The following NELL1 variants were observed in gnomAD, a reference collection of about 807,000 sequenced individuals.
NELL1 encodes the protein protein kinase C-binding protein NELL1.
NELL1 carries 76 observed loss-of-function variants against 107.4 expected under a neutral mutation model. The ratio of observed to expected loss-of-function variants is 0.71; its 90% CI spans 0.59 to 0.86. The LOEUF (loss-of-function observed/expected upper bound fraction) is 0.86. Among genes scored for constraint, NELL1 ranks in the 40% least tolerant of loss-of-function variants. NELL1 has a pLI of 0.00. For synonymous variants in NELL1, 353 were observed against 341.2 expected, an observed-to-expected ratio of 1.03 and a Z score of -0.38; for missense variants, 1,024 against 1,005.5, an observed-to-expected ratio of 1.02 and a Z score of -0.25.
At chr11:21,208,136 A>C (rs1434387635) in intron 13 of NELL1, among the ~76,000 whole-genome samples, 1 of 151,934 alleles carries the variant, frequency 6.6e-6, no homozygotes, top group East Asian at 1.9e-4. Flanking sequence ...TGTACATTAG[A>C]TCTCTAGACT....
At chr11:21,262,345 G>T in intron 14 of NELL1, among the ~76,000 whole-genome samples, 1 of 151,638 alleles carries the variant, frequency 6.6e-6, no homozygotes, top group Admixed American at 6.6e-5. Flanking sequence ...TATGTACTGT[G>T]CTTACTTTTC....
chr11:20,758,340 T>C (rs764177302), intron 2 of NELL1, among the ~76,000 whole-genome samples: 7 of 152,160 alleles, frequency 4.6e-5, no homozygotes, highest in Non-Finnish European at 7.4e-5. Flanking sequence ...TGTGGCCTAA[T>C]AAATCCAAAC....
At chr11:20,895,343 T>TATG (rs1162348608) in intron 5 of NELL1, among the ~76,000 whole-genome samples, 2 of 137,520 alleles carry the variant, frequency 1.5e-5, no homozygotes, top group Non-Finnish European at 3.1e-5. Flanking sequence ...CTACTGTGTA[T>TATG]ATGTACCCTT....
intron 15 of NELL1, among the ~76,000 whole-genome samples, chr11:21,533,962 T>G (rs1435747737): frequency 6.6e-6 from 1 of 152,100 alleles, no homozygotes; most frequent in Non-Finnish European, 1.5e-5. Flanking sequence ...TAATCCAGAG[T>G]GTCCTGAACT....
intron 12 of NELL1, among the ~76,000 whole-genome samples, chr11:20,975,268 G>A (rs972607081): frequency 1.6e-4 from 24 of 151,812 alleles, no homozygotes; most frequent in African/African-American, 5.6e-4. Flanking sequence ...CACCCTCCTT[G>A]GTCTCCCAAA....
chr11:21,405,363 G>C (rs369906236), intron 15 of NELL1, among the ~76,000 whole-genome samples: 108 of 147,758 alleles, frequency 7.3e-4, no homozygotes, highest in African/African-American at 2.6e-3. Context: ...TTGCAGTTTT[G>C]TTTTACCTGT....
At chr11:21,280,256 A>T (rs151146505) in intron 14 of NELL1, among the ~76,000 whole-genome samples, 1 of 152,202 alleles carries the variant, frequency 6.6e-6, no homozygotes, top group Non-Finnish European at 1.5e-5. Context: ...GTTATAAAAA[A>T]TGGAGAATGG....
chr11:20,940,190 T>C (rs1158263483), intron 10 of NELL1, among the ~76,000 whole-genome samples: 2 of 151,778 alleles, frequency 1.3e-5, no homozygotes, highest in Non-Finnish European at 2.9e-5. Flanking sequence ...CCTCCCTCCG[T>C]CCCTCTCTCT....
intron 2 of NELL1, 84 bp from the exon 3 acceptor site, chr11:20,783,596 C>T: frequency 1.1e-6 from 1 of 948,356 alleles, no homozygotes; most frequent in Non-Finnish European, 1.5e-6. Context: ...CTCCCCTCTC[C>T]TCTTTCTCCT....
intron 14 of NELL1, among the ~76,000 whole-genome samples, chr11:21,263,355 G>A (rs1218679905): frequency 1.3e-5 from 2 of 151,894 alleles, no homozygotes; most frequent in Admixed American, 6.6e-5. Flanking sequence ...TTCAATGTGG[G>A]GTAACGGCGA....
intron 14 of NELL1, among the ~76,000 whole-genome samples, chr11:21,335,676 A>G (rs1233069955): frequency 6.6e-6 from 1 of 152,074 alleles, no homozygotes; most frequent in Non-Finnish European, 1.5e-5. Flanking sequence ...TTATGACATT[A>G]TTAGGTCCTT....
chr11:21,232,149 A>ATAAT (rs577614917), intron 14 of NELL1, among the ~76,000 whole-genome samples: 568 of 53,810 alleles, frequency 0.011, 7 homozygotes, highest in African/African-American at 0.013. Context: ...AAAAAAAATA[A>ATAAT]AAAAAAAAAA....
chr11:21,352,740 C>T (rs887866104), intron 14 of NELL1, among the ~76,000 whole-genome samples: 14 of 152,120 alleles, frequency 9.2e-5, no homozygotes, highest in Non-Finnish European at 1.9e-4. Context: ...GCTTTTCTTA[C>T]GTGAGCTCTC....
intron 15 of NELL1, among the ~76,000 whole-genome samples, chr11:21,455,288 T>A (rs1250657830): frequency 9.3e-5 from 14 of 150,562 alleles, no homozygotes; most frequent in African/African-American, 3.4e-4. Flanking sequence ...TTTTTTTATC[T>A]GGTGGCTATT....
At chr11:21,093,599 T>C (rs1306956500) in intron 12 of NELL1, among the ~76,000 whole-genome samples, 8 of 152,198 alleles carry the variant, frequency 5.3e-5, no homozygotes, top group Non-Finnish European at 1.0e-4. Flanking sequence ...CTGGGCAATT[T>C]ACAAAAGAAA....
rs563773824 is a variant in NELL1, at chr11:21,407,444, A to G, written c.1645+36496A>G. On this transcript the variant is annotated intron_variant, in intron 15 of 19. Coordinates refer to ENST00000357134, the MANE Select transcript of NELL1 (RefSeq NM_006157.5). ...AAACAAACAAACAAAAAGAAATATT[A>G]TCTTTCTAACATTAGCTCACCTCTC... is the stretch of plus-strand genomic sequence containing the variant. Among the ~76,000 whole-genome samples the G allele has an allele frequency of 1.1e-4, 16 of 152,026 alleles. 1 individual carries two copies. The South Asian group carries it at 3.1e-3, about 30-fold the overall frequency.
At chr11:20,772,452 A>G (rs1202258659) in intron 2 of NELL1, among the ~76,000 whole-genome samples, 2 of 152,226 alleles carry the variant, frequency 1.3e-5, no homozygotes, top group Non-Finnish European at 2.9e-5. Context: ...AAGTGAGGCT[A>G]TTAATGCCCA....
chr11:20,933,546 T>C (rs1476838976), intron 9 of NELL1, among the ~76,000 whole-genome samples: 2 of 152,170 alleles, frequency 1.3e-5, no homozygotes, highest in Admixed American at 1.3e-4. Context: ...ATTAGCTCAC[T>C]GAGGGAGGAA....
intron 16 of NELL1, among the ~76,000 whole-genome samples, chr11:21,550,853 A>T (rs1315445611): frequency 1.3e-5 from 2 of 151,662 alleles, no homozygotes; most frequent in African/African-American, 4.8e-5. Context: ...TGAACTTTAA[A>T]GTAGTTTTTT....
Sources: gnomAD v4.1 joint callset for allele counts (sites outside exome capture counted in the v4.1 genomes callset) on GRCh38, gnomAD v4.1.1 for gene constraint, MANE v1.5 for transcripts, NCBI Gene and HGNC (gene_info 2026-07-23, HGNC 2026-07-21) for gene names.